The following PDZD2 variants were observed in gnomAD, a reference collection of about 807,000 sequenced individuals.
PDZD2 encodes PDZ domain-containing protein 2.
In PDZD2, 90 loss-of-function variants were observed where a neutral mutation model predicts 220.7. The observed-to-expected ratio is 0.41, with a 90% CI of 0.34 to 0.49. PDZD2 has a LOEUF of 0.49. Among genes scored for constraint, PDZD2 ranks in the 20% least tolerant of loss-of-function variants. The pLI is 0.28. For missense variants in PDZD2, 3,174 were observed against 3,608.5 expected (o/e 0.88, Z 3.08); for synonymous variants, 1,375 against 1,450.5 (o/e 0.95, Z 1.18).
At chr5:31,951,114 T>C (rs1310814251) in intron 2 of PDZD2, among the ~76,000 whole-genome samples, 1 of 152,150 alleles carries the variant, frequency 6.6e-6, no homozygotes, top group Admixed American at 6.6e-5. Context: ...TCTCCCAAAC[T>C]GGAGAGCAGT....
In PDZD2 at chr5:31,908,105, A is replaced by G. The variant is rs796900477; in HGVS notation, c.477-75050A>G. Among the ~76,000 whole-genome samples, 769 of 145,970 alleles carry G rather than the reference A, an allele frequency of 5.3e-3. 11 individuals carry two copies. The highest frequency in any genetic ancestry group is 0.014 in the Middle Eastern group (4 of 280). On this transcript the variant is annotated intron_variant, in intron 2 of 24. Transcript: ENST00000438447. ...CTCAAAAAAAAAAAAAAAAAAAAAA[A>G]AAAGAAAGAAAAGGATCAGGTAGTA...
At chr5:31,822,929 C>T (rs920554307) in intron 2 of PDZD2, 26 of 951,336 alleles carry the variant, frequency 2.7e-5, no homozygotes, top group African/African-American at 1.8e-4. Flanking sequence ...ATAGTCTGAA[C>T]GGTGGCCAGC....
chr5:31,665,116 G>A (rs1224936180), intron 1 of PDZD2: 1 of 152,234 alleles, frequency 6.6e-6, no homozygotes, highest in Non-Finnish European at 1.5e-5. Context: ...GTGCACTTGG[G>A]ATACCACCCA....
intron 2 of PDZD2, among the ~76,000 whole-genome samples, chr5:31,962,944 T>G (rs1306510246): frequency 6.6e-6 from 1 of 152,240 alleles, no homozygotes; most frequent in Non-Finnish European, 1.5e-5. Flanking sequence ...GCCCTGGCTT[T>G]GATTTTGCTT....
At chr5:31,952,114 T>G (rs1192868069) in intron 2 of PDZD2, among the ~76,000 whole-genome samples, 3 of 152,224 alleles carry the variant, frequency 2.0e-5, no homozygotes, top group Non-Finnish European at 4.4e-5. Context: ...ATTGTAATTA[T>G]TACATAAATA....
chr5:32,087,992 T>G lies in PDZD2; in HGVS notation c.4544T>G (p.Val1515Gly), dbSNP rs200771406. ...DSINPDKHFT[V>G]NKNFLSNYSR... ...ATTAATCCCGACAAACATTTTACTGTGAACAAAAACTTTCTGAGCAACTAC... is the reference window on the plus strand; with the variant it reads ...ATTAATCCCGACAAACATTTTACTGGGAACAAAAACTTTCTGAGCAACTAC... The change falls in exon 20 of 25, where the codon GTG becomes GGG. Residue 1515 changes from valine to glycine, a missense_variant. Val to Gly is a moderately radical substitution (Grantham distance 109). Transcript: ENST00000438447. This position sits in a 1 kb window ranked among gnomAD's most constrained non-coding sequence, Gnocchi z 4.0. 1 of 1,614,200 alleles carries G rather than the reference T, an allele frequency of 6.2e-7. No individual in the cohort carries two copies. Among genetic ancestry groups the G allele is most frequent in the East Asian group, 2.2e-5 (1 of 44,880 alleles).
intron 1 of PDZD2, among the ~76,000 whole-genome samples, chr5:31,791,772 A>C (rs931452472): frequency 1.3e-5 from 2 of 152,142 alleles, no homozygotes; most frequent in Admixed American, 6.5e-5. Context: ...AACACTTTCC[A>C]GTCCGCAACT....
At chr5:31,955,358 T>C (rs1473202323) in intron 2 of PDZD2, among the ~76,000 whole-genome samples, 3 of 152,028 alleles carry the variant, frequency 2.0e-5, no homozygotes, top group African/African-American at 7.2e-5. Flanking sequence ...TGCAGTGCAG[T>C]GGCATGATCT....
At chr5:31,771,922 C>CT (rs1752361416) in intron 1 of PDZD2, among the ~76,000 whole-genome samples, 1 of 152,108 alleles carries the variant, frequency 6.6e-6, no homozygotes, top group South Asian at 2.1e-4. Context: ...AAATATACTA[C>CT]TTTTTAGGCA....
intron 2 of PDZD2, among the ~76,000 whole-genome samples, chr5:31,958,336 C>T (rs1747913636): frequency 6.6e-6 from 1 of 151,904 alleles, no homozygotes; most frequent in Non-Finnish European, 1.5e-5. Context: ...TCACTGCAAC[C>T]TCTGCCTCCT....
chr5:32,088,427 C>T lies in PDZD2; in HGVS notation c.4979C>T (p.Pro1660Leu). 6.2e-7 allele frequency: 1 copy of T among 1,614,002 alleles called. No individual in the cohort carries two copies. ...ACLPGSYTSG[P>L]DSSQPSSLLE... ...TTGCCAGGCTCATACACTTCAGGCCCAGACTCTTCCCAGCCATCATCACTC... is the reference window on the plus strand; with the variant it reads ...TTGCCAGGCTCATACACTTCAGGCCTAGACTCTTCCCAGCCATCATCACTC... Residue 1660 changes from proline (P) to leucine (L), a missense_variant, in exon 20 of 25, where the codon CCA becomes CTA. This residue lies in a region of PDZD2 where 1,861 missense variants were observed against 2,001.0 expected (regional missense o/e 0.93). Coordinates refer to ENST00000438447, the MANE Select transcript of PDZD2 (RefSeq NM_178140.4). The surrounding 1 kb of genome is among the most constrained non-coding windows in gnomAD (Gnocchi z 4.6).
At chr5:31,796,845 T>C (rs1225562304) in intron 1 of PDZD2, among the ~76,000 whole-genome samples, 1 of 152,080 alleles carries the variant, frequency 6.6e-6, no homozygotes, top group Non-Finnish European at 1.5e-5. Context: ...CTACTACTCT[T>C]CAGTTTGGTT....
intron 1 of PDZD2, among the ~76,000 whole-genome samples, chr5:31,703,746 C>T (rs1747696646): frequency 6.6e-6 from 1 of 152,176 alleles, no homozygotes; most frequent in Non-Finnish European, 1.5e-5. Context: ...TCTCACATTG[C>T]CCAATGCAGC....
At chr5:31,826,360 G>C (rs1443542838) in intron 2 of PDZD2, among the ~76,000 whole-genome samples, 1 of 152,074 alleles carries the variant, frequency 6.6e-6, no homozygotes, top group Admixed American at 6.6e-5. Flanking sequence ...CCACTGACCT[G>C]TCTCCCTTTT....
chr5:31,813,895 C>T (rs1445107635), intron 2 of PDZD2, among the ~76,000 whole-genome samples: 4 of 152,112 alleles, frequency 2.6e-5, no homozygotes, highest in Non-Finnish European at 2.9e-5. Flanking sequence ...TGGCCAGGCA[C>T]GGTGGCTCAT....
chr5:31,645,817 G>A (rs568050050), intron 1 of PDZD2, among the ~76,000 whole-genome samples: 4 of 152,032 alleles, frequency 2.6e-5, no homozygotes, highest in African/African-American at 9.7e-5. Context: ...CGTGAGCAGG[G>A]GCACGCTTTG....
intron 1 of PDZD2, among the ~76,000 whole-genome samples, chr5:31,712,764 G>T (rs548603198): frequency 2.0e-5 from 3 of 152,172 alleles, no homozygotes; most frequent in African/African-American, 4.8e-5. Flanking sequence ...ACAGAAAAGC[G>T]CAGGAATTGA....
chr5:31,963,462 G>A (rs1182992217), intron 2 of PDZD2, among the ~76,000 whole-genome samples: 1 of 152,174 alleles, frequency 6.6e-6, no homozygotes, highest in Non-Finnish European at 1.5e-5. Flanking sequence ...GGCGGGGGCT[G>A]TGCACACACA....
rs906088794 is a variant in PDZD2 at position 31,929,640 on chromosome 5, G to A, written c.477-53515G>A. Reference sequence around the variant, plus strand: ...TGAGGCGGGTGGATCACCTGAGGTCGGGAGTTTGAAACCAGCCTGGCCAAC... The same window carrying A: ...TGAGGCGGGTGGATCACCTGAGGTCAGGAGTTTGAAACCAGCCTGGCCAAC... On this transcript the variant is annotated intron_variant, in intron 2 of 24. Transcript: ENST00000438447. Among the ~76,000 whole-genome samples, 6 of 152,198 alleles carry A rather than the reference G, an allele frequency of 3.9e-5. No individual in the cohort carries two copies. In the East Asian group the frequency reaches 5.8e-4, roughly 15 times the overall value.
Sources: allele counts gnomAD v4.1 joint callset (sites outside exome capture counted in the v4.1 genomes callset), GRCh38; gene constraint gnomAD v4.1.1; regional missense constraint gnomAD v4.1.1; non-coding constraint Gnocchi (gnomAD v3.1); transcripts MANE v1.5; gene names NCBI Gene and HGNC (gene_info 2026-07-23, HGNC 2026-07-21).